The following MGMT variants were observed in gnomAD, a reference collection of about 807,000 sequenced individuals.
MGMT encodes the protein methylated-DNA--protein-cysteine methyltransferase.
Under a neutral mutation model 15.9 loss-of-function variants are expected in MGMT, and 14 were observed. The ratio of observed to expected loss-of-function variants is 0.88; its 90% CI spans 0.58 to 1.37. The LOEUF (loss-of-function observed/expected upper bound fraction) is 1.37. Ranked by LOEUF, MGMT falls within the 40% of genes most tolerant of loss-of-function variation. The pLI is 0.00. For missense variants in MGMT, 282 were observed against 268.1 expected, an observed-to-expected ratio of 1.05 and a Z score of -0.36; for synonymous variants, 130 against 118.2, an observed-to-expected ratio of 1.10 and a Z score of -0.65.
At position 129,567,392 on chromosome 10, in the gene MGMT, C is replaced by T. The variant is rs1466058750; in HGVS notation, c.125+31015C>T. Among the ~76,000 whole-genome samples the T allele has an allele frequency of 3.3e-5, 5 of 152,232 alleles. No homozygotes were observed. In the South Asian group the frequency reaches 6.2e-4, roughly 19 times the overall value. Reference sequence around the variant, plus strand: ...GCCAGTGGCCTTCTTGCCCATAACTCGTTGGTGCTGGAGAGCTGTGGGTAG... The same window carrying T: ...GCCAGTGGCCTTCTTGCCCATAACTTGTTGGTGCTGGAGAGCTGTGGGTAG... On this transcript the variant is annotated intron_variant, in intron 2 of 4. Coordinates refer to ENST00000651593, the MANE Select transcript of MGMT (RefSeq NM_002412.5).
intron 1 of MGMT, among the ~76,000 whole-genome samples, chr10:129,495,833 A>G (rs1300955567): frequency 6.6e-6 from 1 of 152,238 alleles, no homozygotes; most frequent in Non-Finnish European, 1.5e-5. Flanking sequence ...TTCCTGCAGA[A>G]ATAGGCCTGT....
chr10:129,699,905 G>A (rs1013056735), intron 2 of MGMT, among the ~76,000 whole-genome samples: 11 of 151,984 alleles, frequency 7.2e-5, no homozygotes, highest in African/African-American at 2.7e-4. Context: ...CAGTCAATCA[G>A]TAGACTCACC....
At chr10:129,634,500 T>C (rs1350280368) in intron 2 of MGMT, among the ~76,000 whole-genome samples, 1 of 152,206 alleles carries the variant, frequency 6.6e-6, no homozygotes, top group Non-Finnish European at 1.5e-5. Context: ...ACCTCACTGA[T>C]AATCCTTCCT....
intron 2 of MGMT, among the ~76,000 whole-genome samples, chr10:129,564,729 T>G (rs1846333424): frequency 9.0e-6 from 1 of 110,704 alleles, no homozygotes; most frequent in Non-Finnish European, 2.0e-5. Context: ...TGCCCTTCTT[T>G]TCCTCTGTCT....
chr10:129,748,565 A>G (rs974201486), intron 3 of MGMT, among the ~76,000 whole-genome samples: 1 of 152,148 alleles, frequency 6.6e-6, no homozygotes, highest in Non-Finnish European at 1.5e-5. Context: ...TGCATGAGAA[A>G]CCATGGACTG....
At chr10:129,536,533 G>T in intron 2 of MGMT, 156 bp downstream of exon 2, 1 of 862,518 alleles carries the variant, frequency 1.2e-6, no homozygotes, top group Non-Finnish European at 1.7e-6. Context: ...AGTGTGCTGC[G>T]ACGGCTCCTG....
chr10:129,472,303 G>A (rs187979118), intron 1 of MGMT, among the ~76,000 whole-genome samples: 5 of 152,138 alleles, frequency 3.3e-5, no homozygotes, highest in African/African-American at 7.2e-5. Context: ...GGGTGGGGAC[G>A]ATTATGCTTA....
chr10:129,550,237 C>T (rs1049856845), intron 2 of MGMT, among the ~76,000 whole-genome samples: 5 of 152,078 alleles, frequency 3.3e-5, no homozygotes, highest in African/African-American at 1.2e-4. Flanking sequence ...ATCACCGCCG[C>T]CCAGCACTGG....
At chr10:129,715,472 A>G (rs958147029) in intron 3 of MGMT, 34 of 152,346 alleles carry the variant, frequency 2.2e-4, no homozygotes, top group African/African-American at 7.9e-4. Flanking sequence ...AAAGTAAAAA[A>G]CACACTTTTC....
chr10:129,491,480 C>G (rs1845468362), intron 1 of MGMT, among the ~76,000 whole-genome samples: 1 of 152,116 alleles, frequency 6.6e-6, no homozygotes, highest in Non-Finnish European at 1.5e-5. Flanking sequence ...CTGGATTGCT[C>G]TCTGTCATCT....
chr10:129,707,193 C>A (rs993354071), intron 2 of MGMT, among the ~76,000 whole-genome samples: 4 of 152,082 alleles, frequency 2.6e-5, no homozygotes, highest in African/African-American at 9.7e-5. Context: ...AGAAGAATCA[C>A]TTGAACCCGG....
intron 2 of MGMT, among the ~76,000 whole-genome samples, chr10:129,588,607 A>G (rs184826765): frequency 4.4e-4 from 67 of 152,200 alleles, no homozygotes; most frequent in African/African-American, 1.6e-3. Flanking sequence ...ACCTTCCATG[A>G]AAGATGTTTG....
At chr10:129,487,462 TATC>T (rs1372996822) in intron 1 of MGMT, among the ~76,000 whole-genome samples, 1 of 152,110 alleles carries the variant, frequency 6.6e-6, no homozygotes, top group Non-Finnish European at 1.5e-5. Flanking sequence ...TACACTATAT[TATC>T]ATTACCAAAA....
At chr10:129,476,351 G>A (rs1473644428) in intron 1 of MGMT, among the ~76,000 whole-genome samples, 1 of 152,166 alleles carries the variant, frequency 6.6e-6, no homozygotes, top group Non-Finnish European at 1.5e-5. Flanking sequence ...TCTCTTCTGG[G>A]TGTGAGGATC....
At chr10:129,643,397 T>C (rs1236727341) in intron 2 of MGMT, among the ~76,000 whole-genome samples, 1 of 152,226 alleles carries the variant, frequency 6.6e-6, no homozygotes, top group Non-Finnish European at 1.5e-5. Context: ...CTGATCTTGA[T>C]GTGCCAGTAA....
chr10:129,650,241 G>A (rs554223348), intron 2 of MGMT, among the ~76,000 whole-genome samples: 2 of 152,270 alleles, frequency 1.3e-5, no homozygotes, highest in Non-Finnish European at 2.9e-5. Context: ...GCAGCCTTGA[G>A]GTGCTTTTGT....
At chr10:129,655,213 A>T (rs1033067837) in intron 2 of MGMT, among the ~76,000 whole-genome samples, 5 of 152,206 alleles carry the variant, frequency 3.3e-5, no homozygotes, top group Non-Finnish European at 7.3e-5. Context: ...GCCTGGGCAG[A>T]TGCAGGGCTG....
intron 4 of MGMT, among the ~76,000 whole-genome samples, chr10:129,763,190 C>T (rs192139821): frequency 3.1e-4 from 47 of 152,206 alleles, no homozygotes; most frequent in Admixed American, 6.5e-4. Flanking sequence ...TTCAATGCAG[C>T]TGTGATATTA....
Position 129,536,326 on chromosome 10 carries a change from A to G in MGMT, c.74A>G (p.Glu25Gly), listed in dbSNP as rs771392791. The change falls in exon 2 of 5, where the codon GAG (glutamate) becomes GGG (glycine). Residue 25 changes from glutamate (E) to glycine (G), a missense_variant. Glu to Gly is a moderately conservative substitution (Grantham distance 98). Coordinates refer to ENST00000651593, the MANE Select transcript of MGMT (RefSeq NM_002412.5). ...GGGAAGCTGGAGCTGTCTGGTTGTG[A>G]GCAGGGTCTGCACGAAATAAAGCTC... Reference protein sequence around the residue: ...PLGKLELSGCEQGLHEIKLLG... With the variant: ...PLGKLELSGCGQGLHEIKLLG... The G allele has an allele frequency of 3.2e-5, 51 of 1,614,114 alleles. 1 individual carries two copies. In the Middle Eastern group the frequency reaches 6.6e-4, roughly 21 times the overall value.
Sources: gnomAD v4.1 joint callset for allele counts (sites outside exome capture counted in the v4.1 genomes callset) on GRCh38, gnomAD v4.1.1 for gene constraint, MANE v1.5 for transcripts, NCBI Gene and HGNC (gene_info 2026-07-23, HGNC 2026-07-21) for gene names.